The following SATB1 variants were observed in gnomAD, a reference collection of about 807,000 sequenced individuals.
SATB1 encodes the protein SATB homeobox 1, also known as DNA-binding protein SATB1.
A neutral mutation model predicts 86.9 loss-of-function variants in SATB1; 11 were observed. The observed-to-expected ratio is 0.13, with a 90% CI of 0.08 to 0.21. The LOEUF (loss-of-function observed/expected upper bound fraction) is 0.21. SATB1 is among the 10% of genes least tolerant of loss of function. SATB1 has a pLI of 1.00. For synonymous variants in SATB1, 357 were observed against 357.2 expected, an observed-to-expected ratio of 1.00 and a Z score of 0.01; for missense variants, 551 against 937.6, an observed-to-expected ratio of 0.59 and a Z score of 5.39.
At chr3:18,426,720 ATCAG>A (rs564112195), upstream of SATB1, among the ~76,000 whole-genome samples, 223 of 152,230 alleles carry the variant, frequency 1.5e-3, 3 homozygotes, top group Non-Finnish European at 4.9e-4. This position sits in a 1 kb window ranked among gnomAD's most constrained non-coding sequence, Gnocchi z 4.2. Flanking sequence ...AAAGAGAAAA[ATCAG>A]TCAGATAAAC....
chr3:18,440,881 T>A (rs1271112034), upstream of SATB1, among the ~76,000 whole-genome samples: 1 of 152,186 alleles, frequency 6.6e-6, no homozygotes, highest in Non-Finnish European at 1.5e-5. Context: ...ATACTTAATA[T>A]AATAAGCACA....
chr3:18,391,620 T>C (rs1170539284), intron 7 of SATB1, among the ~76,000 whole-genome samples: 1 of 147,432 alleles, frequency 6.8e-6, no homozygotes, highest in African/African-American at 2.5e-5. Flanking sequence ...TGAGTGAGAA[T>C]ATGCGGTGTT....
rs1473759377 is a variant in SATB1, at chr3:18,347,853, T to C, written c.*1317A>G. 6.6e-6 allele frequency: 1 copy of C among 152,274 alleles called. No homozygotes were observed. Among genetic ancestry groups the C allele is most frequent in the African/African-American group, 2.4e-5 (1 of 41,470 alleles). 9.4% of individuals were successfully genotyped at this position (152,274 alleles called of 1,614,324 possible). The stretch of plus-strand genomic sequence containing the variant: ...ATTGCTCTTTTTAAAATCAGTGAAA[T>C]AACAAGTTATTAACATGCACCTAAA... On this transcript the variant is annotated 3_prime_UTR_variant, in exon 11 of 11. Transcript: ENST00000338745.
chr3:18,380,746 T>C (rs1289287250), intron 8 of SATB1, among the ~76,000 whole-genome samples: 1 of 151,944 alleles, frequency 6.6e-6, no homozygotes, highest in Non-Finnish European at 1.5e-5. Context: ...AAACACAAGC[T>C]ATTGCTTAAG....
At chr3:18,384,977 TTAAA>T (rs1457159775) in intron 8 of SATB1, among the ~76,000 whole-genome samples, 5 of 152,214 alleles carry the variant, frequency 3.3e-5, no homozygotes, top group Non-Finnish European at 7.3e-5. Context: ...TTGATTTTCA[TTAAA>T]TAAACTAGTG....
At chr3:18,379,666 A>G (rs1253688549) in intron 8 of SATB1, among the ~76,000 whole-genome samples, 1 of 152,188 alleles carries the variant, frequency 6.6e-6, no homozygotes, top group Non-Finnish European at 1.5e-5. Context: ...GATCCCTTTA[A>G]AATGTGCCTG....
At chr3:18,419,068 CT>C (rs1416622283) in intron 2 of SATB1, among the ~76,000 whole-genome samples, 3 of 152,156 alleles carry the variant, frequency 2.0e-5, no homozygotes, top group Non-Finnish European at 4.4e-5. Context: ...TATGAAATAA[CT>C]GCAGGGTTTT....
Position 18,394,774 on chromosome 3 carries a change from T to C in SATB1, c.894A>G (p.Thr298=), listed in dbSNP as rs1192282250. The change falls in exon 7 of 11, where the codon ACA becomes ACG. Residue 298 remains threonine (T), a synonymous_variant. Coordinates refer to ENST00000338745, the MANE Select transcript of SATB1 (RefSeq NM_002971.6). This position sits in a 1 kb window ranked among gnomAD's most constrained non-coding sequence, Gnocchi z 5.9. Reference sequence around the variant, plus strand: ...GCCCAGGGTGCAGGTTTGGAAGAGGTGTCCGGACAGAGGGCTGGCTGCCAT... The same window carrying C: ...GCCCAGGGTGCAGGTTTGGAAGAGGCGTCCGGACAGAGGGCTGGCTGCCAT... The part of the protein sequence containing the change: ...LSHGSQPSVR[T]PLPNLHPGLV... 1 of 1,613,848 alleles carries C rather than the reference T, an allele frequency of 6.2e-7. No homozygotes were observed. Among genetic ancestry groups the C allele is most frequent in the Non-Finnish European group, 8.5e-7 (1 of 1,179,962 alleles).
In SATB1 at chr3:18,397,181, A is replaced by C; in HGVS notation, c.749T>G (p.Met250Arg). The change falls in exon 6 of 11, where the codon ATG becomes AGG. Residue 250 changes from methionine (M) to arginine (R), a missense_variant and splice_region_variant. Physicochemically the swap from Met to Arg is moderately conservative, Grantham distance 91 (BLOSUM62 -1). Coordinates refer to ENST00000338745, the MANE Select transcript of SATB1 (RefSeq NM_002971.6). ...GCTGCAATGTTTTTTTTGCTTACCC[A>C]TCATATCTTTTGTCTTCTTGAAATG... is the stretch of plus-strand genomic sequence containing the variant. ...YKHFKKTKDM[M>R]VEMDSLSELS... 6.4e-7 allele frequency: 1 copy of C among 1,566,802 alleles called. No individual in the cohort carries two copies. The highest frequency in any genetic ancestry group is 8.8e-7 in the Non-Finnish European group (1 of 1,137,002).
chr3:18,395,878 C>G (rs189771737), intron 6 of SATB1, among the ~76,000 whole-genome samples: 12 of 152,302 alleles, frequency 7.9e-5, no homozygotes, highest in South Asian at 6.2e-4. Flanking sequence ...GTTCGATGCT[C>G]TTGGCTGGAA....
chr3:18,407,646 A>G (rs887136433), intron 5 of SATB1, among the ~76,000 whole-genome samples: 2 of 152,048 alleles, frequency 1.3e-5, no homozygotes, highest in Admixed American at 1.3e-4. Flanking sequence ...GCCCAAGCTC[A>G]TATAGCTGGC....
At chr3:18,425,733 G>T (rs570966605), upstream of SATB1, among the ~76,000 whole-genome samples, 2 of 151,732 alleles carry the variant, frequency 1.3e-5, no homozygotes, top group Non-Finnish European at 2.9e-5. Flanking sequence ...GGGAGGAGGA[G>T]AGGGGGCTTC....
chr3:18,396,617 G>A (rs1003420850), intron 6 of SATB1, among the ~76,000 whole-genome samples: 1 of 152,090 alleles, frequency 6.6e-6, no homozygotes, highest in Non-Finnish European at 1.5e-5. Flanking sequence ...ATGCTACCTT[G>A]GAATTAAAAG....
At chr3:18,413,370 A>C (rs1697960312) in intron 5 of SATB1, among the ~76,000 whole-genome samples, 1 of 152,114 alleles carries the variant, frequency 6.6e-6, no homozygotes, top group South Asian at 2.1e-4. Context: ...AGCTCATAGT[A>C]AATGCCTTAA....
chr3:18,419,763 TG>T (rs1252740841), intron 2 of SATB1, among the ~76,000 whole-genome samples: 4 of 152,200 alleles, frequency 2.6e-5, no homozygotes, highest in Non-Finnish European at 4.4e-5. Context: ...AAGAATTTGC[TG>T]AAGTGCTGTT....
intron 6 of SATB1, 147 bp from the exon 7 acceptor site, chr3:18,395,063 CCAGG>C: frequency 6.5e-6 from 4 of 616,096 alleles, no homozygotes. Context: ...TTGCAACTTA[CCAGG>C]CTGTGTTTTT....
At chr3:18,432,809 A>G (rs933357931) in intron 2 of SATB1, among the ~76,000 whole-genome samples, 1 of 152,044 alleles carries the variant, frequency 6.6e-6, no homozygotes, top group Non-Finnish European at 1.5e-5. Flanking sequence ...TTTTCAAAAA[A>G]AAAAAAACAA....
At chr3:18,433,931 G>A (rs1698974123) in intron 2 of SATB1, among the ~76,000 whole-genome samples, 1 of 151,988 alleles carries the variant, frequency 6.6e-6, no homozygotes, top group Admixed American at 6.6e-5. Flanking sequence ...CCTTGAGGCT[G>A]TTTTTTAATC....
At chr3:18,377,341 T>A (rs2125186106) in intron 9 of SATB1, among the ~76,000 whole-genome samples, 1 of 152,300 alleles carries the variant, frequency 6.6e-6, no homozygotes, top group East Asian at 1.9e-4. Context: ...AAATTCTTTT[T>A]CAAGGGGGAA....
Sources: allele counts gnomAD v4.1 joint callset (sites outside exome capture counted in the v4.1 genomes callset), GRCh38; gene constraint gnomAD v4.1.1; non-coding constraint Gnocchi (gnomAD v3.1); transcripts MANE v1.5; gene names NCBI Gene and HGNC (gene_info 2026-07-23, HGNC 2026-07-21).